Variants in CUL7 observed in about 807,000 individuals in gnomAD.
The protein encoded by CUL7 is cullin 7.
CUL7 carries 96 observed loss-of-function variants against 177.7 expected under a neutral mutation model. The observed-to-expected ratio is 0.54, with a 90% CI of 0.46 to 0.64. CUL7 has a LOEUF of 0.64. Among genes scored for constraint, CUL7 ranks in the 30% least tolerant of loss-of-function variants. The probability of loss-of-function intolerance (pLI) is 0.00; values close to 1 mark genes in which losing one functional copy is unlikely to be tolerated. For missense variants in CUL7, 1,893 were observed against 2,187.9 expected, an observed-to-expected ratio of 0.87 and a Z score of 2.69; for synonymous variants, 824 against 890.2, an observed-to-expected ratio of 0.93 and a Z score of 1.32.
At chr6:43,046,821 C>T (rs749852331) in intron 10 of CUL7, 59 bp downstream of exon 10, 1 of 1,257,944 alleles carries the variant, frequency 7.9e-7, no homozygotes, top group Non-Finnish European at 1.2e-6. Flanking sequence ...TTACCCGCCA[C>T]TGCTTGGGTT....
chr6:43,049,906 A>G, intron 6 of CUL7, 57 bp downstream of exon 6: 1 of 1,511,122 alleles, frequency 6.6e-7, no homozygotes, highest in South Asian at 1.1e-5. Context: ...TGCTCTATAC[A>G]GTCCAGCCCT....
rs753474291 is a variant in CUL7, at chr6:43,044,850, G to T, written c.3074C>A (p.Ala1025Asp). Reference sequence around the variant, plus strand: ...CTCGTCATCAGGGAGGAAGCGGTCAGCAAAATTCTGCTCCTGGCGCAGAGC... The same window carrying T: ...CTCGTCATCAGGGAGGAAGCGGTCATCAAAATTCTGCTCCTGGCGCAGAGC... ...NGALRQEQNF[A>D]DRFLPDDEAA... The change falls in exon 16 of 26, where the codon GCT (alanine) becomes GAT (aspartate). Residue 1025 changes from alanine to aspartate, a missense_variant. Ala to Asp is a moderately radical substitution (Grantham distance 126). Coordinates refer to ENST00000265348, the MANE Select transcript of CUL7 (RefSeq NM_014780.5). The T allele has an allele frequency of 6.2e-7, 1 of 1,613,810 alleles. No individual in the cohort carries two copies. Among genetic ancestry groups the T allele is most frequent in the African/African-American group, 1.3e-5 (1 of 74,902 alleles).
rs7774330 is a variant in CUL7 at position 43,048,549 on chromosome 6, T to C, written c.1846A>G (p.Ser616Gly). Reference protein sequence around the residue: ...KVEAKEPPSQSPNTPLQRLVE... With the variant: ...KVEAKEPPSQGPNTPLQRLVE... ...AGACGCTGCAGGGGAGTGTTGGGAC[T>C]CTGAGATGGGGGTTCTTTTGCTACA... Residue 616 changes from serine (S) to glycine (G), a missense_variant, in exon 8 of 26, where the codon AGT (serine) becomes GGT (glycine). Ser to Gly is a moderately conservative substitution (Grantham distance 56). Coordinates refer to ENST00000265348, the MANE Select transcript of CUL7 (RefSeq NM_014780.5). 2.1e-3 allele frequency: 3,387 copies of C among 1,613,938 alleles called. 69 individuals are homozygous for C. The African/African-American group carries it at 0.039, about 18-fold the overall frequency.
In CUL7 at chr6:43,042,954, C is replaced by A; in HGVS notation, c.3493G>T (p.Asp1165Tyr). ...VNNFLTSSWRDDDFVPRYCEH... is the reference protein window; with the variant it reads ...VNNFLTSSWRYDDFVPRYCEH... Reference sequence around the variant, plus strand: ...CAGTAGCGTGGCACAAAGTCATCATCCCGCCAGGATGAGGTCAGAAAATTG... The same window carrying A: ...CAGTAGCGTGGCACAAAGTCATCATACCGCCAGGATGAGGTCAGAAAATTG... Residue 1165 changes from aspartate (D) to tyrosine (Y), a missense_variant, in exon 19 of 26, where the codon GAT (aspartate) becomes TAT (tyrosine). Coordinates refer to ENST00000265348, the MANE Select transcript of CUL7 (RefSeq NM_014780.5). The A allele has an allele frequency of 1.2e-6, 2 of 1,614,184 alleles. No homozygotes were observed. The highest frequency in any genetic ancestry group is 1.1e-5 in the South Asian group (1 of 91,082).
In CUL7 at chr6:43,040,625, T is replaced by C; in HGVS notation, c.3928A>G (p.Thr1310Ala). The C allele has an allele frequency of 3.1e-6, 5 of 1,614,154 alleles. No individual in the cohort carries two copies. The South Asian group carries it at 5.5e-5, about 18-fold the overall frequency. Residue 1310 changes from threonine to alanine, a missense_variant, in exon 21 of 26, where the codon ACC (threonine) becomes GCC (alanine). By Grantham distance (58) the Thr-to-Ala change is moderately conservative. Transcript: ENST00000265348. The surrounding 1 kb of genome is among the most constrained non-coding windows in gnomAD (Gnocchi z 4.2). ...LPQQMLQSLS[T>A]SKELQRQFHV... is the part of the protein sequence containing the mutation. ...AACTGGCGCTGCAGCTCCTTAGAGG[T>C]GCTCAGGCTCTGCAACATCTGCTGG...
intron 19 of CUL7, among the ~76,000 whole-genome samples, chr6:43,042,329 GTTTT>G (rs1561877651): frequency 6.6e-6 from 1 of 151,356 alleles, no homozygotes; most frequent in East Asian, 1.9e-4. Flanking sequence ...ATTGTGGGGG[GTTTT>G]TTTGTTTTTT....
intron 7 of CUL7, among the ~76,000 whole-genome samples, chr6:43,049,144 AAT>A (rs1764190262): frequency 1.3e-5 from 2 of 152,280 alleles, no homozygotes; most frequent in South Asian, 4.1e-4. Context: ...CAAAGCATGG[AAT>A]ATGTTTCTGT....
At position 43,051,058 on chromosome 6, in the gene CUL7, C is replaced by T; in HGVS notation, c.1143G>A (p.Met381Ile). The change falls in exon 4 of 26, where the codon ATG becomes ATA. Residue 381 changes from methionine (M) to isoleucine (I), a missense_variant. Met to Ile is a conservative substitution (Grantham distance 10). This residue lies in a region of CUL7 where 653 missense variants were observed against 725.2 expected (regional missense o/e 0.90). Transcript: ENST00000265348. This position sits in a 1 kb window ranked among gnomAD's most constrained non-coding sequence, Gnocchi z 5.0. ...LYVRDTLQPG[M>I]RVRMLDDYEE... ...CATAATCATCCAGCATCCGCACTCG[C>T]ATCCCCGGCTGCAGTGTGTCCCGCA... 1 of 1,614,228 alleles carries T rather than the reference C, an allele frequency of 6.2e-7. No individual in the cohort carries two copies. Among genetic ancestry groups the T allele is most frequent in the Non-Finnish European group, 8.5e-7 (1 of 1,180,050 alleles).
chr6:43,041,587 T>G (rs960818884), intron 19 of CUL7, among the ~76,000 whole-genome samples: 1 of 143,162 alleles, frequency 7.0e-6, no homozygotes, highest in African/African-American at 2.6e-5. Flanking sequence ...TGGGAGGGAG[T>G]AAGACCCTGT....
chr6:43,046,556 T>C lies in CUL7; in HGVS notation c.2443A>G (p.Ile815Val). 1 of 1,614,096 alleles carries C rather than the reference T, an allele frequency of 6.2e-7. No individual in the cohort carries two copies. Among genetic ancestry groups the C allele is most frequent in the South Asian group, 1.1e-5 (1 of 91,088 alleles). ...IEDHRRTHQP[I>V]NIPFFDVFLR... ...AACACATCAAAGAAAGGGATGTTGA[T>C]GGGTTGGTGGGTTCGTCTGTGGTCT... Residue 815 changes from isoleucine to valine, a missense_variant, in exon 11 of 26, where the codon ATC becomes GTC. Physicochemically the swap from Ile to Val is conservative, Grantham distance 29 (BLOSUM62 3). Coordinates refer to ENST00000265348, the MANE Select transcript of CUL7 (RefSeq NM_014780.5).
Position 43,045,164 on chromosome 6 carries a change from C to G in CUL7, c.3038+63G>C. On this transcript the variant is annotated intron_variant, in intron 15 of 25. Transcript: ENST00000265348. This position sits in a 1 kb window ranked among gnomAD's most constrained non-coding sequence, Gnocchi z 4.8. ...ACAGCTTCTATGGACCCCTGCCTGC[C>G]AGCTATTTGCAATAGCCTTACCTTT... 1 of 1,558,022 alleles carries G rather than the reference C, an allele frequency of 6.4e-7. No homozygotes were observed. The highest frequency in any genetic ancestry group is 8.7e-7 in the Non-Finnish European group (1 of 1,145,840).
chr6:43,046,429 T>C, intron 11 of CUL7, 22 bp from the exon 12 acceptor site: 1 of 1,613,656 alleles, frequency 6.2e-7, no homozygotes, highest in Non-Finnish European at 8.5e-7. Context: ...TGGGAAGGGG[T>C]GGTGGTCACG....
At position 43,051,243 on chromosome 6, in the gene CUL7, G is replaced by T. The variant is rs1380601942; in HGVS notation, c.958C>A (p.Pro320Thr). The part of the protein sequence containing the change: ...AMRWDQASDR[P>T]RSSARSPGSI... Reference sequence around the variant, plus strand: ...CCGGGGGACCGTGCTGAGCTCCTTGGTCTGTCTGAGGCCTGGTCCCAGCGC... The same window carrying T: ...CCGGGGGACCGTGCTGAGCTCCTTGTTCTGTCTGAGGCCTGGTCCCAGCGC... Residue 320 changes from proline (P) to threonine (T), a missense_variant, in exon 4 of 26, where the codon CCA (proline) becomes ACA (threonine). Pro to Thr is a conservative substitution (Grantham distance 38). Coordinates refer to ENST00000265348, the MANE Select transcript of CUL7 (RefSeq NM_014780.5). This position sits in a 1 kb window ranked among gnomAD's most constrained non-coding sequence, Gnocchi z 5.0. The T allele has an allele frequency of 1.2e-6, 2 of 1,613,804 alleles. No homozygotes were observed. The highest frequency in any genetic ancestry group is 1.7e-6 in the Non-Finnish European group (2 of 1,179,918).
In CUL7 at chr6:43,043,065, C is replaced by T. The variant is rs567187620; in HGVS notation, c.3462+9G>A. The T allele has an allele frequency of 6.2e-7, 1 of 1,613,870 alleles. No homozygotes were observed. Among genetic ancestry groups the T allele is most frequent in the African/African-American group, 1.3e-5 (1 of 75,046 alleles). On this transcript the variant is annotated intron_variant, in intron 18 of 25. Coordinates refer to ENST00000265348, the MANE Select transcript of CUL7 (RefSeq NM_014780.5). This position sits in a 1 kb window ranked among gnomAD's most constrained non-coding sequence, Gnocchi z 4.2. ...GTCCCCTCTCTCCCGCAGGCCTGCTCCTGCCCACCTGCTTCTCCACCACGG... is the reference window on the plus strand; with the variant it reads ...GTCCCCTCTCTCCCGCAGGCCTGCTTCTGCCCACCTGCTTCTCCACCACGG...
rs755075866 is a variant in CUL7 at position 43,043,490 on chromosome 6, G to A, written c.3313C>T (p.Pro1105Ser). The A allele has an allele frequency of 2.5e-6, 4 of 1,614,072 alleles. No individual in the cohort carries two copies. The highest frequency in any genetic ancestry group is 3.4e-6 in the Non-Finnish European group (4 of 1,179,962). Reference protein sequence around the residue: ...RLTHLLVHVEPCEAPPPVVAT... With the variant: ...RLTHLLVHVESCEAPPPVVAT... ...ACCACAGGAGGGGGTGCCTCACAGG[G>A]CTCGACATGCACCAGCAGGTGAGTG... The change falls in exon 17 of 26, where the codon CCC (proline) becomes TCC (serine). Residue 1105 changes from proline (P) to serine (S), a missense_variant. By Grantham distance (74) the Pro-to-Ser change is moderately conservative (BLOSUM62 -1). Coordinates refer to ENST00000265348, the MANE Select transcript of CUL7 (RefSeq NM_014780.5). The surrounding 1 kb of genome is among the most constrained non-coding windows in gnomAD (Gnocchi z 4.2).
Position 43,050,821 on chromosome 6 carries a change from T to C in CUL7, c.1233+147A>G, listed in dbSNP as rs753774888. The C allele has an allele frequency of 3.0e-5, 32 of 1,058,546 alleles. No individual in the cohort carries two copies. Among genetic ancestry groups the C allele is most frequent in the Non-Finnish European group, 4.3e-5 (31 of 727,458 alleles). The allele number at this position is 1,058,546 out of a possible 1,614,324, so 65.6% of individuals were successfully genotyped here. A position where few individuals can be genotyped will look rare whatever the true frequency, so the allele number is the denominator to read the frequency against. The stretch of plus-strand genomic sequence containing the variant: ...TTCCCAGCTCTCAGAATGGCCCCCC[T>C]CTCAACTACTGACTCTTTTCACCAT... On this transcript the variant is annotated intron_variant, in intron 4 of 25. Coordinates refer to ENST00000265348, the MANE Select transcript of CUL7 (RefSeq NM_014780.5). This position sits in a 1 kb window ranked among gnomAD's most constrained non-coding sequence, Gnocchi z 4.1.
chr6:43,051,142 C>A lies in CUL7; in HGVS notation c.1059G>T (p.Arg353Ser). ...PAAQAQPSFR[R>S]SRRFRPRSEF... ...CAGAACGAGGGCGAAAACGTCTTGA[C>A]CTCCTGAAGGAGGGCTGAGCCTGGG... The change falls in exon 4 of 26, where the codon AGG becomes AGT. Residue 353 changes from arginine to serine, a missense_variant. Arg to Ser is a moderately radical substitution (Grantham distance 110, BLOSUM62 -1). Transcript: ENST00000265348. This position sits in a 1 kb window ranked among gnomAD's most constrained non-coding sequence, Gnocchi z 5.0. 6.2e-7 allele frequency: 1 copy of A among 1,614,212 alleles called. No individual in the cohort carries two copies. The highest frequency in any genetic ancestry group is 1.3e-5 in the African/African-American group (1 of 75,060).
chr6:43,052,528 C>G lies in CUL7; in HGVS notation c.261G>C (p.Gln87His). The change falls in exon 2 of 26, where the codon CAG becomes CAC. Residue 87 changes from glutamine to histidine, a missense_variant. Physicochemically the swap from Gln to His is conservative, Grantham distance 24 (BLOSUM62 0). Around this residue, in one of 5 missense-constraint regions of CUL7, gnomAD observed 653 missense variants for 725.2 expected, o/e 0.90. Transcript: ENST00000265348. This position sits in a 1 kb window ranked among gnomAD's most constrained non-coding sequence, Gnocchi z 4.5. ...NCHKMLGEDGQVIGPSQESAG... is the reference protein window; with the variant it reads ...NCHKMLGEDGHVIGPSQESAG... ...CAGACTCCTGGGAGGGCCCGATGACCTGGCCATCCTCGCCCAGCATCTTGT... is the reference window on the plus strand; with the variant it reads ...CAGACTCCTGGGAGGGCCCGATGACGTGGCCATCCTCGCCCAGCATCTTGT... The G allele has an allele frequency of 6.2e-7, 1 of 1,614,248 alleles. No individual in the cohort carries two copies.
intron 16 of CUL7, among the ~76,000 whole-genome samples, 161 bp downstream of exon 16, chr6:43,044,591 G>C (rs1337576304): frequency 6.6e-6 from 1 of 152,196 alleles, no homozygotes; most frequent in Non-Finnish European, 1.5e-5. Context: ...CATGGGAAAG[G>C]GGGCAGCCCC....
Sources: allele counts gnomAD v4.1 joint callset (sites outside exome capture counted in the v4.1 genomes callset), GRCh38; gene constraint gnomAD v4.1.1; regional missense constraint gnomAD v4.1.1; non-coding constraint Gnocchi (gnomAD v3.1); transcripts MANE v1.5; gene names NCBI Gene and HGNC (gene_info 2026-07-23, HGNC 2026-07-21).